Variants in GPC6 observed in about 807,000 individuals in gnomAD.
GPC6 encodes the protein glypican 6, also known as glypican-6.
GPC6 carries 14 observed loss-of-function variants against 55.2 expected under a neutral mutation model. The observed-to-expected ratio is 0.25, with a 90% CI of 0.17 to 0.40. GPC6 has a LOEUF of 0.40. Ranked by LOEUF, GPC6 falls within the 10% of genes least tolerant of loss-of-function variation. The pLI is 1.00. For synonymous variants in GPC6, 278 were observed against 259.6 expected (o/e 1.07, Z -0.68); for missense variants, 641 against 708.5 (o/e 0.90, Z 1.08).
intron 2 of GPC6, among the ~76,000 whole-genome samples, chr13:93,663,451 G>A (rs1436520034): frequency 6.6e-6 from 1 of 152,086 alleles, no homozygotes; most frequent in African/African-American, 2.4e-5. Flanking sequence ...GGTCTGTTAA[G>A]CTTATGTACT....
intron 1 of GPC6, among the ~76,000 whole-genome samples, chr13:93,273,273 T>C (rs1877604763): frequency 6.6e-6 from 1 of 152,206 alleles, no homozygotes; most frequent in Non-Finnish European, 1.5e-5. Context: ...ATTATAAACA[T>C]TGAACACATA....
intron 3 of GPC6, among the ~76,000 whole-genome samples, chr13:93,999,938 A>G (rs1019592687): frequency 5.9e-5 from 9 of 152,176 alleles, no homozygotes; most frequent in Non-Finnish European, 1.3e-4. Flanking sequence ...TGACTCATCA[A>G]TTTGATTTTT....
intron 1 of GPC6, among the ~76,000 whole-genome samples, chr13:93,293,382 A>G (rs1024618532): frequency 6.6e-6 from 1 of 152,222 alleles, no homozygotes; most frequent in African/African-American, 2.4e-5. Context: ...CCTTTTCCAG[A>G]AATTAATCTG....
At chr13:93,689,691 A>G (rs1427445064) in intron 2 of GPC6, among the ~76,000 whole-genome samples, 1 of 152,126 alleles carries the variant, frequency 6.6e-6, no homozygotes, top group Non-Finnish European at 1.5e-5. Context: ...CACAATGACT[A>G]TTCCCTCCAT....
At chr13:93,537,063 G>C (rs1386203509) in intron 1 of GPC6, among the ~76,000 whole-genome samples, 1 of 152,148 alleles carries the variant, frequency 6.6e-6, no homozygotes, top group Admixed American at 6.6e-5. Flanking sequence ...AGTGGTGCCT[G>C]CTTAGACTTT....
intron 1 of GPC6, among the ~76,000 whole-genome samples, chr13:93,261,305 A>G (rs560488986): frequency 1.4e-4 from 22 of 152,248 alleles, no homozygotes; most frequent in African/African-American, 5.3e-4. Flanking sequence ...GTTATTCCAA[A>G]TTCAGTAAGT....
chr13:94,374,305 G>A (rs1879731392), intron 6 of GPC6, among the ~76,000 whole-genome samples: 1 of 151,576 alleles, frequency 6.6e-6, no homozygotes, highest in Non-Finnish European at 1.5e-5. Flanking sequence ...TCAGTGTGCT[G>A]TATTCAGGAA....
In GPC6 at chr13:93,888,642, T is replaced by G. The variant is rs1875483894; in HGVS notation, c.711+58097T>G. ...GGCTGAGATACAGTACTTTCTTCTC[T>G]TAGATGCTTTTGGTTATAAGTTTTT... is the stretch of plus-strand genomic sequence containing the variant. On this transcript the variant is annotated intron_variant, in intron 3 of 8. Coordinates refer to ENST00000377047, the MANE Select transcript of GPC6 (RefSeq NM_005708.5). 2.0e-5 allele frequency among the ~76,000 whole-genome samples: 3 copies of G among 152,178 alleles called. No individual in the cohort carries two copies. In the South Asian group the frequency reaches 6.2e-4, roughly 32 times the overall value.
chr13:93,961,129 T>C (rs1879756477), intron 3 of GPC6, among the ~76,000 whole-genome samples: 1 of 152,184 alleles, frequency 6.6e-6, no homozygotes, highest in African/African-American at 2.4e-5. Context: ...CTGGAATTTT[T>C]AATCTTCCCA....
intron 4 of GPC6, among the ~76,000 whole-genome samples, chr13:94,153,687 T>A (rs1887826031): frequency 6.6e-6 from 1 of 152,142 alleles, no homozygotes; most frequent in African/African-American, 2.4e-5. Context: ...AGTACAGGAG[T>A]TAAATGTGGA....
At chr13:94,310,551 G>T (rs149019833) in intron 6 of GPC6, among the ~76,000 whole-genome samples, 1 of 151,990 alleles carries the variant, frequency 6.6e-6, no homozygotes, top group Non-Finnish European at 1.5e-5. Flanking sequence ...ACTGTGTGGC[G>T]GACTATGCAG....
At chr13:93,746,439 A>T (rs1884403435) in intron 2 of GPC6, among the ~76,000 whole-genome samples, 6 of 152,192 alleles carry the variant, frequency 3.9e-5, no homozygotes. Flanking sequence ...GCTTTTCGGT[A>T]GAAATGTTGC....
chr13:93,264,744 A>G lies in GPC6; in HGVS notation c.160+37128A>G, dbSNP rs1057459286. 3.9e-5 allele frequency among the ~76,000 whole-genome samples: 6 copies of G among 152,134 alleles called. No homozygotes were observed. The East Asian group carries it at 1.2e-3, about 29-fold the overall frequency. On this transcript the variant is annotated intron_variant, in intron 1 of 8. Coordinates refer to ENST00000377047, the MANE Select transcript of GPC6 (RefSeq NM_005708.5). ...CTCTACATTACTTATAATACCTAAT[A>G]CAGTGTAAATGCTATATAAATAGTT...
intron 1 of GPC6, among the ~76,000 whole-genome samples, chr13:93,378,184 T>C (rs1240597872): frequency 6.6e-6 from 1 of 152,230 alleles, no homozygotes. Flanking sequence ...CATAATTATA[T>C]AGTTTTGAAA....
intron 5 of GPC6, among the ~76,000 whole-genome samples, chr13:94,290,443 A>G (rs1594137068): frequency 6.7e-6 from 1 of 149,920 alleles, no homozygotes; most frequent in Non-Finnish European, 1.5e-5. Flanking sequence ...AAAAAAAAAA[A>G]AAAAAAGAAA....
intron 2 of GPC6, among the ~76,000 whole-genome samples, chr13:93,720,135 T>G (rs1267353346): frequency 6.6e-6 from 1 of 152,120 alleles, no homozygotes; most frequent in Non-Finnish European, 1.5e-5. Context: ...TTCTATTGTT[T>G]GGAGTAGTTT....
chr13:93,921,078 A>G lies in GPC6; in HGVS notation c.711+90533A>G, dbSNP rs545998804. Among the ~76,000 whole-genome samples, 3 of 152,314 alleles carry G rather than the reference A, an allele frequency of 2.0e-5. No individual in the cohort carries two copies. In the South Asian group the frequency reaches 6.2e-4, roughly 32 times the overall value. The stretch of plus-strand genomic sequence containing the variant: ...ATCAGTTGTCTCTATCAGTCCTGCC[A>G]GAAAACCCTAGCTCTCCACCTATTT... On this transcript the variant is annotated intron_variant, in intron 3 of 8. Transcript: ENST00000377047.
chr13:94,156,999 A>G (rs1406409839), intron 4 of GPC6, among the ~76,000 whole-genome samples: 2 of 152,150 alleles, frequency 1.3e-5, no homozygotes, highest in Non-Finnish European at 1.5e-5. Context: ...ATTACCCACT[A>G]TGCGCGAGGA....
intron 2 of GPC6, among the ~76,000 whole-genome samples, chr13:93,653,668 T>C (rs1203273469): frequency 6.6e-6 from 1 of 151,618 alleles, no homozygotes; most frequent in African/African-American, 2.4e-5. Context: ...TGATAAGAAA[T>C]AGACTCAGGG....
Sources: allele counts gnomAD v4.1 joint callset (sites outside exome capture counted in the v4.1 genomes callset), GRCh38; gene constraint gnomAD v4.1.1; transcripts MANE v1.5; gene names NCBI Gene and HGNC (gene_info 2026-07-23, HGNC 2026-07-21).